Variants in CACNA1E observed in about 807,000 individuals in gnomAD.
The protein encoded by CACNA1E is voltage-dependent R-type calcium channel subunit alpha-1E.
Under a neutral mutation model 259.2 loss-of-function variants are expected in CACNA1E, and 40 were observed. The observed-to-expected ratio is 0.15, with a 90% confidence interval of 0.12 to 0.20. The LOEUF (loss-of-function observed/expected upper bound fraction) is 0.20, where lower values mean the gene tolerates loss of function less well. Ranked by LOEUF, CACNA1E falls within the 10% of genes least tolerant of loss-of-function variation. The pLI is 1.00. For synonymous variants in CACNA1E, 1,104 were observed against 1,138.5 expected (o/e 0.97, Z 0.61); for missense variants, 1,874 against 3,040.1 (o/e 0.62, Z 9.02).
chr1:181,520,615 A>C (rs1666930604), intron 3 of CACNA1E, among the ~76,000 whole-genome samples: 1 of 152,210 alleles, frequency 6.6e-6, no homozygotes, highest in African/African-American at 2.4e-5. Flanking sequence ...ATTTTCCATT[A>C]GTTATAATTT....
chr1:181,360,919 G>A (rs985403247), intron 1 of CACNA1E, among the ~76,000 whole-genome samples: 10 of 152,024 alleles, frequency 6.6e-5, no homozygotes, highest in Non-Finnish European at 1.2e-4. Context: ...CTGGGAAAGC[G>A]GGCAAGGACC....
At chr1:181,471,020 G>T (rs904417023) in intron 2 of CACNA1E, among the ~76,000 whole-genome samples, 4 of 152,200 alleles carry the variant, frequency 2.6e-5, no homozygotes, top group Non-Finnish European at 5.9e-5. Context: ...AGTGCTGGCA[G>T]GTTAAATGTC....
At chr1:181,728,571 G>A (rs1331357702) in intron 18 of CACNA1E, among the ~76,000 whole-genome samples, 2 of 151,938 alleles carry the variant, frequency 1.3e-5, no homozygotes, top group East Asian at 3.9e-4. Context: ...GCCCTGCAAA[G>A]ACGTGTGCAC....
At chr1:181,567,233 G>A (rs942424493) in intron 3 of CACNA1E, among the ~76,000 whole-genome samples, 7 of 152,126 alleles carry the variant, frequency 4.6e-5, no homozygotes, top group Admixed American at 3.9e-4. Flanking sequence ...CCTTACTTTT[G>A]TTAAATACAG....
chr1:181,603,607 G>A (rs757194006), intron 6 of CACNA1E, among the ~76,000 whole-genome samples: 10 of 148,072 alleles, frequency 6.8e-5, no homozygotes, highest in African/African-American at 2.5e-5. Flanking sequence ...GACTTTGCTC[G>A]TGACACATTT....
At chr1:181,501,820 G>T (rs1039092100) in intron 1 of CACNA1E, among the ~76,000 whole-genome samples, 1 of 152,156 alleles carries the variant, frequency 6.6e-6, no homozygotes, top group Non-Finnish European at 1.5e-5. Flanking sequence ...TTGTCATGGC[G>T]ATGGCAGGTT....
intron 6 of CACNA1E, among the ~76,000 whole-genome samples, chr1:181,581,380 C>T (rs1276240567): frequency 1.3e-5 from 2 of 152,132 alleles, no homozygotes; most frequent in African/African-American, 2.4e-5. Flanking sequence ...AAAAAGCATG[C>T]TTAATTGTGA....
Position 181,732,500 on chromosome 1 carries a change from T to C in CACNA1E, c.2414T>C (p.Met805Thr). The C allele has an allele frequency of 6.4e-7, 1 of 1,551,436 alleles. No individual in the cohort carries two copies. The highest frequency in any genetic ancestry group is 8.7e-7 in the Non-Finnish European group (1 of 1,146,876). The change falls in exon 20 of 48, where the codon ATG becomes ACG. Residue 805 changes from methionine (M) to threonine (T), a missense_variant. Around this residue, in one of 14 missense-constraint regions of CACNA1E, gnomAD observed 476 missense variants for 514.0 expected, o/e 0.93. Transcript: ENST00000367573. The surrounding 1 kb of genome is among the most constrained non-coding windows in gnomAD (Gnocchi z 5.5). ...EALNREEAPT[M>T]NPLNPLNPLS... ...CTCAACAGAGAGGAGGCGCCGACCA[T>C]GAACCCGCTCAACCCCCTCAACCCG...
At chr1:181,333,863 C>G (rs1261018035) in intron 1 of CACNA1E, among the ~76,000 whole-genome samples, 1 of 152,180 alleles carries the variant, frequency 6.6e-6, no homozygotes, top group Non-Finnish European at 1.5e-5. Context: ...TCATGTTGGT[C>G]AGGCTGGTCT....
At chr1:181,389,744 T>C (rs544525432) in intron 1 of CACNA1E, among the ~76,000 whole-genome samples, 98 of 152,334 alleles carry the variant, frequency 6.4e-4, no homozygotes, top group Non-Finnish European at 1.1e-3. Flanking sequence ...TCTGGCACAG[T>C]GTTTCACCCA....
At chr1:181,637,587 C>A (rs1404934400) in intron 6 of CACNA1E, among the ~76,000 whole-genome samples, 1 of 152,000 alleles carries the variant, frequency 6.6e-6, no homozygotes, top group Non-Finnish European at 1.5e-5. Flanking sequence ...TTTGTTTGTT[C>A]ATTCAACAAA....
At chr1:181,370,506 C>A (rs1165271561) in intron 1 of CACNA1E, among the ~76,000 whole-genome samples, 4 of 152,058 alleles carry the variant, frequency 2.6e-5, no homozygotes, top group African/African-American at 9.7e-5. Context: ...GTTTGGCTCC[C>A]GCTTATAAGT....
rs532525476 is a variant in CACNA1E, at chr1:181,318,645, C to T, written c.-15+522C>T. Among the ~76,000 whole-genome samples the T allele has an allele frequency of 5.9e-5, 9 of 152,332 alleles. No homozygotes were observed. The South Asian group carries it at 1.9e-3, about 32-fold the overall frequency. ...CCCCGGCTTCGGGAAGTTTTGTGCG[C>T]GGATCGCTGGTGGGGAGGGCGCGCG... On this transcript the variant is annotated intron_variant, in intron 1 of 11. Coordinates refer to the CACNA1E transcript ENST00000524607.
intron 3 of CACNA1E, among the ~76,000 whole-genome samples, chr1:181,515,555 C>G (rs1666514423): frequency 6.6e-6 from 1 of 152,184 alleles, no homozygotes; most frequent in Non-Finnish European, 1.5e-5. Flanking sequence ...TCTTTTAACA[C>G]ATTCTTATCT....
intron 2 of CACNA1E, among the ~76,000 whole-genome samples, chr1:181,418,632 C>T (rs973496687): frequency 5.9e-5 from 9 of 152,148 alleles, no homozygotes; most frequent in African/African-American, 2.2e-4. Context: ...TGATTTCTCT[C>T]CAAACCTGCT....
In CACNA1E at chr1:181,758,917, G is replaced by C; in HGVS notation, c.4605+49G>C. ...CACTGGGCTTGTCTCTTTCTGTTGG[G>C]TGCCTTCCCAGTCTTTGTTGAAGGG... On this transcript the variant is annotated intron_variant, in intron 32 of 47. Coordinates refer to ENST00000367573, the MANE Select transcript of CACNA1E (RefSeq NM_001205293.3). The surrounding 1 kb of genome is among the most constrained non-coding windows in gnomAD (Gnocchi z 4.2). The C allele has an allele frequency of 1.9e-6, 2 of 1,043,346 alleles. No individual in the cohort carries two copies. Among genetic ancestry groups the C allele is most frequent in the Non-Finnish European group, 3.0e-6 (2 of 674,598 alleles). The allele number at this position is 1,043,346 out of a possible 1,614,324, so 64.6% of individuals were successfully genotyped here. A position where few individuals can be genotyped will look rare whatever the true frequency, so the allele number is the denominator to read the frequency against.
chr1:181,625,852 A>T (rs934430873), intron 6 of CACNA1E, among the ~76,000 whole-genome samples: 1 of 152,142 alleles, frequency 6.6e-6, no homozygotes, highest in Non-Finnish European at 1.5e-5. Flanking sequence ...TGCCTTCCTC[A>T]CTAAGCTTAA....
At position 181,332,537 on chromosome 1, in the gene CACNA1E, A is replaced by G. The variant is rs1201057097; in HGVS notation, c.-15+14414A>G. On this transcript the variant is annotated intron_variant, in intron 1 of 11. Transcript: ENST00000524607. ...ATAAGTTTGCTCTTTTGTTCGGCCT[A>G]TAAACATAGAGGATTCTTGAGATTT... 3.3e-5 allele frequency among the ~76,000 whole-genome samples: 5 copies of G among 152,220 alleles called. No homozygotes were observed. In the East Asian group the frequency reaches 9.6e-4, roughly 29 times the overall value.
rs1013491867 is a variant in CACNA1E, at chr1:181,626,139, A to T, written c.952-25199A>T. Among the ~76,000 whole-genome samples, 5 of 152,232 alleles carry T rather than the reference A, an allele frequency of 3.3e-5. No homozygotes were observed. The South Asian group carries it at 1.0e-3, about 31-fold the overall frequency. ...ATAATAGTAACGTCAAAGATTGCTG[A>T]TCACAAATCACCATGACAGATATAA... is the stretch of plus-strand genomic sequence containing the variant. On this transcript the variant is annotated intron_variant, in intron 6 of 47. Coordinates refer to ENST00000367573, the MANE Select transcript of CACNA1E (RefSeq NM_001205293.3).
Sources: gnomAD v4.1 joint callset for allele counts (sites outside exome capture counted in the v4.1 genomes callset) on GRCh38, gnomAD v4.1.1 for gene constraint, gnomAD v4.1.1 regional missense constraint, Gnocchi (gnomAD v3.1) non-coding constraint, MANE v1.5 for transcripts, NCBI Gene and HGNC (gene_info 2026-07-23, HGNC 2026-07-21) for gene names.